CHLSN: variants seen among roughly 807,000 people sequenced by gnomAD.
The protein encoded by CHLSN is cholesin, also known as protein cholesin.
At chr7:1,057,430 C>G in the CHLSN span, 1 of 641,318 alleles carries the variant, frequency 1.6e-6, no homozygotes, top group Non-Finnish European at 2.8e-6. Flanking sequence ...GTACCTGCAG[C>G]ACTTCTGGGC....
At chr7:1,013,489 G>A in the CHLSN span, among the ~76,000 whole-genome samples, 1,852 of 152,312 alleles carry the variant, frequency 0.012, 34 homozygotes, top group African/African-American at 0.041. Flanking sequence ...GGCTCCTGCC[G>A]GCTCCAGGAT....
chr7:1,046,147 CAGTCGGA>C, the CHLSN span, among the ~76,000 whole-genome samples: 1 of 152,218 alleles, frequency 6.6e-6, no homozygotes, highest in African/African-American at 2.4e-5. Context: ...GTGTAATTTA[CAGTCGGA>C]AGAGGGACAT....
the CHLSN span, among the ~76,000 whole-genome samples, chr7:1,041,635 C>T: frequency 2.0e-5 from 3 of 152,208 alleles, no homozygotes; most frequent in African/African-American, 7.2e-5. Context: ...CAACAGGCCA[C>T]AAAGAAAGTC....
At chr7:1,089,091 C>T in the CHLSN span, among the ~76,000 whole-genome samples, 829 of 152,236 alleles carry the variant, frequency 5.4e-3, 8 homozygotes, top group African/African-American at 0.019. Flanking sequence ...CGGTCTAATA[C>T]GTTCCAAAAT....
the CHLSN span, among the ~76,000 whole-genome samples, chr7:994,726 G>T: frequency 1.3e-5 from 2 of 152,164 alleles, no homozygotes; most frequent in Non-Finnish European, 2.9e-5. Context: ...GGTGTGAGCC[G>T]CCGCACCCGG....
the CHLSN span, among the ~76,000 whole-genome samples, chr7:1,108,091 G>A: frequency 4.8e-4 from 1 of 2,074 alleles, no homozygotes; most frequent in Non-Finnish European, 9.4e-4. Flanking sequence ...GCACCCCGGG[G>A]GGAAGCAGAG....
At chr7:1,006,030 T>G in the CHLSN span, among the ~76,000 whole-genome samples, 2 of 152,234 alleles carry the variant, frequency 1.3e-5, no homozygotes, top group African/African-American at 4.8e-5. Flanking sequence ...AATCTTCAAT[T>G]TCCTGCGTTA....
the CHLSN span, among the ~76,000 whole-genome samples, chr7:1,100,770 T>TAAA: frequency 1.4e-5 from 2 of 144,004 alleles, no homozygotes; most frequent in African/African-American, 5.1e-5. Context: ...TTCTTGTGGT[T>TAAA]AAAAAAAAAA....
chr7:1,005,532 T>C, the CHLSN span, among the ~76,000 whole-genome samples: 35 of 152,322 alleles, frequency 2.3e-4, no homozygotes, highest in African/African-American at 7.9e-4. Context: ...GCTCCTCCCA[T>C]ACTTGGAGCT....
chr7:987,939 G>GT, the CHLSN span, among the ~76,000 whole-genome samples: 1 of 146,398 alleles, frequency 6.8e-6, no homozygotes, highest in African/African-American at 2.6e-5. Flanking sequence ...GTCCTGGGGG[G>GT]GTCCCCTGTG....
the CHLSN span, chr7:983,162 G>A: frequency 3.9e-5 from 55 of 1,405,674 alleles, no homozygotes; most frequent in Admixed American, 2.1e-4. Context: ...ATAAGGGTGC[G>A]GGGGGGACGG....
At chr7:1,129,594 TGC>T in the CHLSN span, among the ~76,000 whole-genome samples, 1 of 152,214 alleles carries the variant, frequency 6.6e-6, no homozygotes, top group African/African-American at 2.4e-5. Flanking sequence ...CACAGGCGCA[TGC>T]CACCATGCCT....
the CHLSN span, among the ~76,000 whole-genome samples, chr7:1,008,100 C>T: frequency 4.6e-5 from 7 of 152,204 alleles, no homozygotes; most frequent in African/African-American, 1.7e-4. Context: ...AGCCACGCCC[C>T]GAGGCACCTG....
At chr7:1,118,865 A>T in the CHLSN span, among the ~76,000 whole-genome samples, 5,784 of 148,520 alleles carry the variant, frequency 0.039, 279 homozygotes, top group African/African-American at 0.12. Flanking sequence ...ATTTTTTTTT[A>T]AAAAAACTAA....
At chr7:1,004,285 G>C in the CHLSN span, among the ~76,000 whole-genome samples, 1 of 152,138 alleles carries the variant, frequency 6.6e-6, no homozygotes, top group African/African-American at 2.4e-5. Context: ...CAGGGCAGAA[G>C]TTGGCATCTC....
At chr7:1,002,005 G>T in the CHLSN span, among the ~76,000 whole-genome samples, 14 of 96,238 alleles carry the variant, frequency 1.5e-4, no homozygotes, top group Admixed American at 1.8e-4. Context: ...TCCTGTGGGT[G>T]AGTGGAGTCC....
the CHLSN span, among the ~76,000 whole-genome samples, chr7:1,010,584 G>A: frequency 3.3e-5 from 5 of 152,178 alleles, no homozygotes; most frequent in Non-Finnish European, 5.9e-5. Context: ...CGGTGCCTGG[G>A]GCCTGCTGCT....
the CHLSN span, chr7:1,009,879 G>A: frequency 3.7e-6 from 5 of 1,333,434 alleles, no homozygotes; most frequent in Admixed American, 1.0e-4. Flanking sequence ...TGCGAGTGAA[G>A]GCTTCGACCC....
chr7:1,025,899 A>G, the CHLSN span: 23,538 of 152,224 alleles, frequency 0.15, 1,927 homozygotes, highest in Middle Eastern at 0.23. Flanking sequence ...ACCCACCAGG[A>G]CGCTGCCTGG....
Sources: gnomAD v4.1 joint callset for allele counts (sites outside exome capture counted in the v4.1 genomes callset) on GRCh38, gnomAD v4.1.1 for gene constraint, MANE v1.5 for transcripts, NCBI Gene and HGNC (gene_info 2026-07-23, HGNC 2026-07-21) for gene names.